CAMKMT: variants seen among roughly 807,000 people sequenced by gnomAD.
CAMKMT encodes CaM KMT.
A neutral mutation model predicts 48.0 loss-of-function variants in CAMKMT; 53 were observed. That is an observed-to-expected ratio of 1.10 (90% CI 0.89 to 1.39). CAMKMT has a LOEUF of 1.39. Ranked by LOEUF, CAMKMT falls within the 40% of genes most tolerant of loss-of-function variation. The probability of loss-of-function intolerance (pLI) is 0.00; values close to 1 mark genes in which losing one functional copy is unlikely to be tolerated. For missense variants in CAMKMT, 428 were observed against 402.7 expected (o/e 1.06, Z -0.54); for synonymous variants, 165 against 152.3 (o/e 1.08, Z -0.61).
chr2:44,396,445 C>A (rs796652546), intron 3 of CAMKMT, among the ~76,000 whole-genome samples: 1 of 151,802 alleles, frequency 6.6e-6, no homozygotes, highest in African/African-American at 2.4e-5. Flanking sequence ...AAAACGTAGC[C>A]AAAAATTTAA....
At chr2:44,588,238 C>T (rs1670003015) in intron 3 of CAMKMT, among the ~76,000 whole-genome samples, 1 of 52,758 alleles carries the variant, frequency 1.9e-5, no homozygotes, top group Non-Finnish European at 4.6e-5. Flanking sequence ...GCCCCTCCGT[C>T]CGGCAGCCAC....
At chr2:44,455,647 G>A (rs6710210) in intron 3 of CAMKMT, among the ~76,000 whole-genome samples, 3,124 of 152,244 alleles carry the variant, frequency 0.021, 112 homozygotes, top group African/African-American at 0.071. Flanking sequence ...CCTATCACTA[G>A]CTGTGTAACT....
At chr2:44,549,678 T>C in intron 3 of CAMKMT, 1 of 565,446 alleles carries the variant, frequency 1.8e-6, no homozygotes, top group Non-Finnish European at 3.1e-6. Flanking sequence ...TATGATACTC[T>C]TGCTTATTTA....
chr2:44,570,591 A>G (rs113482346), intron 3 of CAMKMT, among the ~76,000 whole-genome samples: 94 of 152,330 alleles, frequency 6.2e-4, no homozygotes, highest in African/African-American at 2.2e-3. Flanking sequence ...TTTGATGCTA[A>G]CCAAAACAGA....
chr2:44,577,501 G>A (rs1456989277), intron 3 of CAMKMT, among the ~76,000 whole-genome samples: 1 of 151,994 alleles, frequency 6.6e-6, no homozygotes, highest in Non-Finnish European at 1.5e-5. Flanking sequence ...TGCCTATAGT[G>A]GCAGCTACCT....
intron 3 of CAMKMT, among the ~76,000 whole-genome samples, chr2:44,617,381 C>T (rs1158114022): frequency 6.6e-6 from 1 of 152,170 alleles, no homozygotes; most frequent in African/African-American, 2.4e-5. Context: ...CCTAAACACA[C>T]ACTCCTTAGG....
intron 3 of CAMKMT, among the ~76,000 whole-genome samples, chr2:44,442,493 T>C (rs1234597166): frequency 1.3e-5 from 2 of 152,116 alleles, no homozygotes; most frequent in Non-Finnish European, 2.9e-5. Flanking sequence ...AAACCTATGG[T>C]TTCTAGGCAC....
chr2:44,746,381 T>A (rs1679918376), intron 8 of CAMKMT, among the ~76,000 whole-genome samples: 1 of 152,220 alleles, frequency 6.6e-6, no homozygotes, highest in African/African-American at 2.4e-5. Flanking sequence ...TATGTTTATG[T>A]TCTTAAATCA....
chr2:44,495,286 G>A (rs1268063274), intron 3 of CAMKMT, among the ~76,000 whole-genome samples: 1 of 152,042 alleles, frequency 6.6e-6, no homozygotes, highest in Non-Finnish European at 1.5e-5. Flanking sequence ...GACTACAGGT[G>A]CATGCCACCT....
At chr2:44,390,060 G>A (rs1681173731) in intron 2 of CAMKMT, among the ~76,000 whole-genome samples, 181 bp from the exon 3 acceptor site, 1 of 152,050 alleles carries the variant, frequency 6.6e-6, no homozygotes, top group Non-Finnish European at 1.5e-5. Context: ...ATATTCTGAG[G>A]ACCATACTGT....
chr2:44,371,273 A>T (rs948499205), intron 1 of CAMKMT, among the ~76,000 whole-genome samples: 1 of 152,108 alleles, frequency 6.6e-6, no homozygotes, highest in Non-Finnish European at 1.5e-5. Context: ...GGCGTGAGCC[A>T]CTGTGCCCAG....
chr2:44,382,766 A>C (rs1371618928), intron 2 of CAMKMT, among the ~76,000 whole-genome samples: 1 of 152,202 alleles, frequency 6.6e-6, no homozygotes, highest in Admixed American at 6.5e-5. Context: ...GGCGTGAGCC[A>C]CCACGCCCGG....
At chr2:44,621,973 T>C (rs554303714) in intron 3 of CAMKMT, among the ~76,000 whole-genome samples, 5 of 152,208 alleles carry the variant, frequency 3.3e-5, no homozygotes, top group Admixed American at 6.5e-5. Context: ...AATTTGGAGG[T>C]AAAAGGTGAT....
At chr2:44,741,600 G>T (rs1679679322) in intron 7 of CAMKMT, among the ~76,000 whole-genome samples, 1 of 152,170 alleles carries the variant, frequency 6.6e-6, no homozygotes, top group Non-Finnish European at 1.5e-5. Context: ...GCTGAACTCT[G>T]TCCACAATAC....
Position 44,688,157 on chromosome 2 carries a change from TG to T in CAMKMT, c.377-16122del, listed in dbSNP as rs138545110. Among the ~76,000 whole-genome samples, 563 of 152,068 alleles carry T rather than the reference TG, an allele frequency of 3.7e-3. 3 individuals are homozygous for T. The highest frequency in any genetic ancestry group is 0.013 in the African/African-American group (524 of 41,448). On this transcript the variant is annotated intron_variant, in intron 3 of 10. Transcript: ENST00000378494. ...TAATTTTTAATGACTATTTGAAAAC[TG>T]GGGAAGGAAAATGAAATCAAATTCA... is the stretch of plus-strand genomic sequence containing the variant.
chr2:44,632,264 T>G (rs1003954837), intron 3 of CAMKMT, among the ~76,000 whole-genome samples: 1 of 152,202 alleles, frequency 6.6e-6, no homozygotes, highest in Non-Finnish European at 1.5e-5. Flanking sequence ...AATATCATCT[T>G]TTGTTTGTCA....
intron 3 of CAMKMT, among the ~76,000 whole-genome samples, chr2:44,661,257 G>A (rs1674663842): frequency 6.7e-6 from 1 of 149,100 alleles, no homozygotes; most frequent in Non-Finnish European, 1.5e-5. Flanking sequence ...ATTTTATTTT[G>A]CTCTATTTTA....
At chr2:44,364,635 C>G (rs949851565) in intron 1 of CAMKMT, among the ~76,000 whole-genome samples, 8 of 152,270 alleles carry the variant, frequency 5.3e-5, no homozygotes, top group South Asian at 2.1e-4. Flanking sequence ...CGCATAGCAC[C>G]TAGTCCTTAG....
chr2:44,614,935 G>GTTTTTTTTTTTTTTTTTTTTTTTTT (rs1671789368), intron 3 of CAMKMT, among the ~76,000 whole-genome samples: 1 of 33,878 alleles, frequency 3.0e-5, no homozygotes, highest in Non-Finnish European at 6.2e-5. Context: ...TGGTCTCCTT[G>GTTTTTTTTTTTTTTTTTTTTTTTTT]CTTTTTTTTT....
Sources: allele counts gnomAD v4.1 joint callset (sites outside exome capture counted in the v4.1 genomes callset), GRCh38; gene constraint gnomAD v4.1.1; transcripts MANE v1.5; gene names NCBI Gene and HGNC (gene_info 2026-07-23, HGNC 2026-07-21).